ELMOD1: variants seen among roughly 807,000 people sequenced by gnomAD.
The protein encoded by ELMOD1 is ELMO domain containing 1, also known as ELMO domain-containing protein 1.
ELMOD1 carries 21 observed loss-of-function variants against 46.7 expected under a neutral mutation model. The observed-to-expected ratio is 0.45, with a 90% CI of 0.32 to 0.65. The LOEUF (loss-of-function observed/expected upper bound fraction) is 0.65. Among genes scored for constraint, ELMOD1 ranks in the 30% least tolerant of loss-of-function variants. The pLI is 0.04. For missense variants in ELMOD1, 348 were observed against 407.8 expected (o/e 0.85, Z 1.26); for synonymous variants, 122 against 138.2 (o/e 0.88, Z 0.82).
At chr11:107,618,546 A>G (rs997859315) in intron 2 of ELMOD1, among the ~76,000 whole-genome samples, 3 of 152,202 alleles carry the variant, frequency 2.0e-5, no homozygotes, top group Non-Finnish European at 2.9e-5. Flanking sequence ...CACTTAATAC[A>G]ATTTGTGTAA....
At chr11:107,661,981 T>G (rs1866747137) in intron 11 of ELMOD1, among the ~76,000 whole-genome samples, 1 of 152,060 alleles carries the variant, frequency 6.6e-6, no homozygotes. Context: ...TGACAAACAG[T>G]CTCCAAATCA....
chr11:107,626,656 T>TTCCCTCTCTC (rs1866048716), intron 2 of ELMOD1, among the ~76,000 whole-genome samples: 3 of 147,484 alleles, frequency 2.0e-5, no homozygotes, highest in Non-Finnish European at 1.5e-5. Flanking sequence ...CTTTCTTTCT[T>TTCCCTCTCTC]TTTCTTTCTT....
In ELMOD1 at chr11:107,591,271, C is replaced by T. The variant is rs963023238; in HGVS notation, c.-224C>T. 1 of 152,318 alleles carries T rather than the reference C, an allele frequency of 6.6e-6. No homozygotes were observed. The highest frequency in any genetic ancestry group is 2.4e-5 in the African/African-American group (1 of 41,438). 9.4% of individuals were successfully genotyped at this position (152,318 alleles called of 1,614,324 possible). On this transcript the variant is annotated 5_prime_UTR_variant, in exon 1 of 12. Transcript: ENST00000265840. ...GCCAGTGCGGCAGCCGCGGCCGCCC[C>T]TGTCCAGCCTCGGCGCCCGGGACCG...
chr11:107,662,049 C>T (rs1346758271), intron 11 of ELMOD1, among the ~76,000 whole-genome samples: 1 of 152,222 alleles, frequency 6.6e-6, no homozygotes, highest in Non-Finnish European at 1.5e-5. Flanking sequence ...GGGCATAAAG[C>T]ACACTTCAAA....
intron 1 of ELMOD1, among the ~76,000 whole-genome samples, chr11:107,595,934 G>A (rs920074599): frequency 7.9e-5 from 12 of 152,064 alleles, no homozygotes; most frequent in South Asian, 2.1e-4. Context: ...TATTTAAGAT[G>A]CCATCAAAAT....
intron 11 of ELMOD1, among the ~76,000 whole-genome samples, chr11:107,662,291 A>G (rs963399476): frequency 5.9e-5 from 9 of 152,114 alleles, no homozygotes; most frequent in African/African-American, 2.2e-4. Flanking sequence ...CTACAGGTGC[A>G]AGCCACCATA....
At chr11:107,625,206 T>G (rs1451796355) in intron 2 of ELMOD1, among the ~76,000 whole-genome samples, 1 of 152,214 alleles carries the variant, frequency 6.6e-6, no homozygotes, top group Non-Finnish European at 1.5e-5. Flanking sequence ...CCCAACCGAT[T>G]GTCAGTGCCC....
intron 6 of ELMOD1, among the ~76,000 whole-genome samples, chr11:107,639,905 TG>T (rs1311154642): frequency 1.3e-5 from 2 of 152,200 alleles, no homozygotes; most frequent in African/African-American, 2.4e-5. Flanking sequence ...TCCTAGTGCA[TG>T]ACCTCATCCT....
At chr11:107,599,114 G>A (rs59701990) in intron 1 of ELMOD1, among the ~76,000 whole-genome samples, 3,711 of 152,294 alleles carry the variant, frequency 0.024, 158 homozygotes, top group African/African-American at 0.085. Flanking sequence ...GTAGGAGGAG[G>A]TGGGGATACT....
chr11:107,650,695 G>A (rs533354427), intron 8 of ELMOD1, among the ~76,000 whole-genome samples, 190 bp from the exon 9 acceptor site: 1 of 152,262 alleles, frequency 6.6e-6, no homozygotes, highest in Non-Finnish European at 1.5e-5. Context: ...AGGGTCTGGG[G>A]GAAAGAGTCC....
Position 107,656,075 on chromosome 11 carries a change from C to T in ELMOD1, c.832+9C>T. ...CTTTCAGCAAACATTCTGTAAGTAT[C>T]CTGTTGTATAATTATCAATATAGGT... On this transcript the variant is annotated intron_variant, in intron 11 of 11. Transcript: ENST00000265840. 1 of 1,551,974 alleles carries T rather than the reference C, an allele frequency of 6.4e-7. No individual in the cohort carries two copies. The highest frequency in any genetic ancestry group is 1.2e-5 in the South Asian group (1 of 84,070).
chr11:107,646,282 G>A (rs1252571859), intron 6 of ELMOD1, among the ~76,000 whole-genome samples: 2 of 152,132 alleles, frequency 1.3e-5, no homozygotes, highest in Admixed American at 1.3e-4. Flanking sequence ...TTACAATTGT[G>A]CAGTAATGTA....
chr11:107,624,456 G>T (rs1016912738), intron 2 of ELMOD1, among the ~76,000 whole-genome samples: 1 of 152,118 alleles, frequency 6.6e-6, no homozygotes. Context: ...TTCAAGACCA[G>T]CTTGGGCAAC....
chr11:107,606,212 G>T (rs1865682778), intron 1 of ELMOD1, among the ~76,000 whole-genome samples: 1 of 152,200 alleles, frequency 6.6e-6, no homozygotes, highest in Non-Finnish European at 1.5e-5. Context: ...GAAGCAGGAT[G>T]CAAACTTAGC....
At chr11:107,638,398 T>G (rs1866265352) in intron 6 of ELMOD1, among the ~76,000 whole-genome samples, 1 of 152,216 alleles carries the variant, frequency 6.6e-6, no homozygotes, top group African/African-American at 2.4e-5. Context: ...GGTGATACAC[T>G]GCTGTTGTCT....
intron 6 of ELMOD1, among the ~76,000 whole-genome samples, chr11:107,646,954 C>G (rs946351113): frequency 1.3e-5 from 2 of 149,676 alleles, no homozygotes; most frequent in African/African-American, 5.0e-5. Context: ...ATCTATCTAT[C>G]TATCTATCTA....
intron 1 of ELMOD1, among the ~76,000 whole-genome samples, chr11:107,612,975 A>C (rs1046679879): frequency 1.3e-5 from 2 of 152,126 alleles, no homozygotes; most frequent in Non-Finnish European, 2.9e-5. Flanking sequence ...GGGGACAGAC[A>C]ATTAGAACTA....
chr11:107,662,651 G>T (rs185544292), intron 11 of ELMOD1, among the ~76,000 whole-genome samples: 1,828 of 149,616 alleles, frequency 0.012, 16 homozygotes, highest in Non-Finnish European at 0.018. Context: ...TAAGCCAGGC[G>T]TGGTGGCTCA....
At chr11:107,662,402 G>A (rs1186173669) in intron 11 of ELMOD1, among the ~76,000 whole-genome samples, 1 of 152,052 alleles carries the variant, frequency 6.6e-6, no homozygotes, top group Non-Finnish European at 1.5e-5. Context: ...CTTGAGGTTG[G>A]GAGTTCGAGA....
Sources: gnomAD v4.1 joint callset for allele counts (sites outside exome capture counted in the v4.1 genomes callset) on GRCh38, gnomAD v4.1.1 for gene constraint, MANE v1.5 for transcripts, NCBI Gene and HGNC (gene_info 2026-07-23, HGNC 2026-07-21) for gene names.